Variants in SCRG1 observed in about 807,000 individuals in gnomAD.
The protein encoded by SCRG1 is scrapie-responsive protein 1.
SCRG1 carries 3 observed loss-of-function variants against 7.7 expected under a neutral mutation model. The observed-to-expected ratio is 0.39, with a 90% confidence interval of 0.18 to 1.01. SCRG1 has a LOEUF of 1.01. SCRG1 is among the 50% of genes least tolerant of loss of function. SCRG1 has a pLI of 0.36. For synonymous variants in SCRG1, 46 were observed against 41.2 expected (o/e 1.12, Z -0.44); for missense variants, 110 against 117.2 (o/e 0.94, Z 0.28).
At chr4:173,484,312 A>G in the SCRG1 span, among the ~76,000 whole-genome samples, 15 of 66,094 alleles carry the variant, frequency 2.3e-4, no homozygotes, top group African/African-American at 8.3e-4. Context: ...TTTATATATT[A>G]TATATTTTAT....
At chr4:173,455,515 C>T in the SCRG1 span, among the ~76,000 whole-genome samples, 1 of 152,120 alleles carries the variant, frequency 6.6e-6, no homozygotes, top group Non-Finnish European at 1.5e-5. Context: ...TTGGGAACCA[C>T]AGCACTTGGT....
upstream of SCRG1, among the ~76,000 whole-genome samples, chr4:173,408,955 G>A (rs1464850122): frequency 7.4e-6 from 1 of 134,786 alleles, no homozygotes; most frequent in African/African-American, 2.9e-5. Flanking sequence ...TGGCGCCGCC[G>A]CACTCCGGCC....
chr4:173,413,155 A>C, the SCRG1 span, among the ~76,000 whole-genome samples: 1 of 152,114 alleles, frequency 6.6e-6, no homozygotes, highest in African/African-American at 2.4e-5. Flanking sequence ...CCTTGACATC[A>C]TAAGGAAACC....
chr4:173,423,691 A>G, the SCRG1 span, among the ~76,000 whole-genome samples: 1 of 141,684 alleles, frequency 7.1e-6, no homozygotes, highest in African/African-American at 2.6e-5. Context: ...TTTTTTCCTT[A>G]TAGCATTTTG....
the SCRG1 span, among the ~76,000 whole-genome samples, chr4:173,516,249 A>G: frequency 6.6e-6 from 1 of 152,236 alleles, no homozygotes; most frequent in Non-Finnish European, 1.5e-5. Flanking sequence ...ACAGGTTGGT[A>G]GCAGTTTAAA....
chr4:173,491,899 G>A, the SCRG1 span, among the ~76,000 whole-genome samples: 3 of 152,186 alleles, frequency 2.0e-5, no homozygotes, highest in African/African-American at 7.2e-5. Context: ...AAAGGCTGAG[G>A]TGGGAGGATC....
chr4:173,430,990 G>C, the SCRG1 span, among the ~76,000 whole-genome samples: 1 of 152,044 alleles, frequency 6.6e-6, no homozygotes. Flanking sequence ...GGCAAGATTT[G>C]AAAAACTTCC....
chr4:173,440,250 T>C, the SCRG1 span, among the ~76,000 whole-genome samples: 5 of 152,232 alleles, frequency 3.3e-5, no homozygotes, highest in African/African-American at 1.2e-4. Flanking sequence ...GAAAGGTTTT[T>C]CATTTACTAA....
At chr4:173,394,941 A>AT (rs1739558774) in intron 1 of SCRG1, among the ~76,000 whole-genome samples, 1 of 152,120 alleles carries the variant, frequency 6.6e-6, no homozygotes, top group Non-Finnish European at 1.5e-5. Context: ...ATATTTTCTT[A>AT]TGCTATTTTG....
At chr4:173,411,857 C>T in the SCRG1 span, among the ~76,000 whole-genome samples, 2 of 152,158 alleles carry the variant, frequency 1.3e-5, no homozygotes, top group Non-Finnish European at 2.9e-5. Flanking sequence ...AATGGCTTCT[C>T]CTTGTGTCGA....
the SCRG1 span, among the ~76,000 whole-genome samples, chr4:173,413,655 T>C: frequency 7.9e-5 from 12 of 152,264 alleles, no homozygotes; most frequent in South Asian, 2.1e-4. Flanking sequence ...ACTGAATAGA[T>C]TACAGGCAGC....
At chr4:173,464,950 A>G in the SCRG1 span, among the ~76,000 whole-genome samples, 1 of 152,230 alleles carries the variant, frequency 6.6e-6, no homozygotes, top group African/African-American at 2.4e-5. Flanking sequence ...CAATATGGAA[A>G]AATCCTGAAG....
At chr4:173,393,486 A>G (rs1231121018) in intron 1 of SCRG1, among the ~76,000 whole-genome samples, 1 of 152,158 alleles carries the variant, frequency 6.6e-6, no homozygotes, top group African/African-American at 2.4e-5. Context: ...AGCATATATA[A>G]ATGATATCTT....
the SCRG1 span, among the ~76,000 whole-genome samples, chr4:173,498,211 C>T: frequency 2.6e-5 from 4 of 152,326 alleles, no homozygotes; most frequent in Admixed American, 1.3e-4. Flanking sequence ...CTGTACTTCT[C>T]ATTAGAGGAA....
chr4:173,400,498 A>G (rs879416860), upstream of SCRG1, among the ~76,000 whole-genome samples: 1 of 152,220 alleles, frequency 6.6e-6, no homozygotes, highest in Non-Finnish European at 1.5e-5. Flanking sequence ...AAATAGACCT[A>G]GAGCTTAGGA....
upstream of SCRG1, among the ~76,000 whole-genome samples, chr4:173,408,729 C>T (rs1353463375): frequency 6.6e-6 from 1 of 152,100 alleles, no homozygotes; most frequent in African/African-American, 2.4e-5. Context: ...CGCCGTGGCT[C>T]ACGCTTGTAA....
the SCRG1 span, among the ~76,000 whole-genome samples, chr4:173,516,397 GAGA>G: frequency 9.2e-5 from 14 of 152,212 alleles, no homozygotes; most frequent in Admixed American, 9.2e-4. Flanking sequence ...GCAGGCGGCC[GAGA>G]AGAACTGGAG....
At chr4:173,444,282 G>C in the SCRG1 span, among the ~76,000 whole-genome samples, 17 of 152,122 alleles carry the variant, frequency 1.1e-4, no homozygotes, top group Admixed American at 2.6e-4. Context: ...CCAAGAGCTT[G>C]CTTTTTTTAG....
intron 2 of SCRG1, among the ~76,000 whole-genome samples, chr4:173,388,672 A>T (rs1435310205): frequency 6.6e-6 from 1 of 152,228 alleles, no homozygotes; most frequent in Non-Finnish European, 1.5e-5. Flanking sequence ...CTTTATGGTC[A>T]TGTATACAAT....
Sources: gnomAD v4.1 joint callset for allele counts (sites outside exome capture counted in the v4.1 genomes callset) on GRCh38, gnomAD v4.1.1 for gene constraint, MANE v1.5 for transcripts, NCBI Gene and HGNC (gene_info 2026-07-23, HGNC 2026-07-21) for gene names.